The following AUH variants were observed in gnomAD, a reference collection of about 807,000 sequenced individuals.
The protein encoded by AUH is methylglutaconyl-CoA hydratase, mitochondrial.
A neutral mutation model predicts 42.3 loss-of-function variants in AUH; 29 were observed. That is an observed-to-expected ratio of 0.69 (90% CI 0.51 to 0.93). The LOEUF is 0.93. Among genes scored for constraint, AUH ranks in the 40% least tolerant of loss-of-function variants. The pLI, the probability that AUH is intolerant of heterozygous loss-of-function variation, is 0.00. For synonymous variants in AUH, 174 were observed against 166.4 expected (o/e 1.05, Z -0.35); for missense variants, 452 against 438.1 (o/e 1.03, Z -0.28).
At chr9:91,291,744 C>T (rs1046384615) in intron 6 of AUH, among the ~76,000 whole-genome samples, 2 of 152,140 alleles carry the variant, frequency 1.3e-5, no homozygotes, top group African/African-American at 4.8e-5. Context: ...AGGTTAACCA[C>T]ACAATTTTAA....
At chr9:91,348,537 C>A (rs991864626) in intron 3 of AUH, among the ~76,000 whole-genome samples, 1 of 152,046 alleles carries the variant, frequency 6.6e-6, no homozygotes, top group Non-Finnish European at 1.5e-5. Flanking sequence ...AACAGTCATA[C>A]AATAAATACT....
At chr9:91,326,782 A>C (rs527479092) in intron 3 of AUH, among the ~76,000 whole-genome samples, 2 of 152,296 alleles carry the variant, frequency 1.3e-5, no homozygotes, top group South Asian at 4.1e-4. Flanking sequence ...GCAAGTCTTT[A>C]AATGTTTTGG....
chr9:91,229,324 CTT>C (rs2131277161), intron 6 of AUH, among the ~76,000 whole-genome samples: 1 of 147,120 alleles, frequency 6.8e-6, no homozygotes, highest in South Asian at 2.3e-4. Flanking sequence ...TTCTTTGTCT[CTT>C]TTGATCTTTG....
chr9:91,340,548 T>A (rs1043587101), intron 3 of AUH, among the ~76,000 whole-genome samples: 1 of 152,098 alleles, frequency 6.6e-6, no homozygotes, highest in African/African-American at 2.4e-5. Context: ...ACCATAAACC[T>A]CAAGATCATC....
At chr9:91,224,544 T>C (rs1455059336) in intron 6 of AUH, among the ~76,000 whole-genome samples, 2 of 152,212 alleles carry the variant, frequency 1.3e-5, no homozygotes, top group African/African-American at 4.8e-5. Flanking sequence ...GTTATAAAGC[T>C]TTTTCTTTAT....
intron 4 of AUH, among the ~76,000 whole-genome samples, chr9:91,313,812 C>A (rs1828915944): frequency 6.8e-6 from 1 of 146,082 alleles, no homozygotes; most frequent in South Asian, 2.1e-4. Context: ...AGTATCTGGT[C>A]CATAAACGCT....
intron 6 of AUH, among the ~76,000 whole-genome samples, chr9:91,283,384 C>T (rs1351994905): frequency 1.3e-5 from 2 of 152,104 alleles, no homozygotes; most frequent in East Asian, 3.8e-4. Context: ...TGGAAGCATT[C>T]CCTTTGAAAA....
chr9:91,357,733 G>A (rs1186281011), intron 1 of AUH, among the ~76,000 whole-genome samples: 1 of 152,106 alleles, frequency 6.6e-6, no homozygotes, highest in Non-Finnish European at 1.5e-5. Context: ...GAGTGAAGGA[G>A]AGGGGCTGAC....
chr9:91,229,672 T>C (rs1370245818), intron 6 of AUH, among the ~76,000 whole-genome samples: 1 of 152,224 alleles, frequency 6.6e-6, no homozygotes, highest in Admixed American at 6.5e-5. Context: ...CATTTTGGCA[T>C]GATTTTGCAA....
At chr9:91,233,323 T>C (rs1325013850) in intron 6 of AUH, among the ~76,000 whole-genome samples, 1 of 152,088 alleles carries the variant, frequency 6.6e-6, no homozygotes, top group Non-Finnish European at 1.5e-5. Flanking sequence ...GCACAGGTTT[T>C]GTGGGAATTG....
intron 6 of AUH, among the ~76,000 whole-genome samples, chr9:91,233,863 A>G (rs1482798543): frequency 6.6e-6 from 1 of 152,162 alleles, no homozygotes; most frequent in Non-Finnish European, 1.5e-5. Flanking sequence ...CAGGCATACA[A>G]GCATAAGAAC....
At chr9:91,348,682 T>C (rs919826353) in intron 3 of AUH, among the ~76,000 whole-genome samples, 1 of 152,186 alleles carries the variant, frequency 6.6e-6, no homozygotes, top group African/African-American at 2.4e-5. Context: ...GTCAATTTAT[T>C]TTAAAATTAC....
At chr9:91,215,005 C>T (rs1481375724) in intron 9 of AUH, among the ~76,000 whole-genome samples, 1 of 152,178 alleles carries the variant, frequency 6.6e-6, no homozygotes, top group African/African-American at 2.4e-5. Context: ...ATTTCTAAGA[C>T]GTTTGTAATT....
chr9:91,268,788 G>A (rs781750840), intron 6 of AUH, among the ~76,000 whole-genome samples: 1 of 152,000 alleles, frequency 6.6e-6, no homozygotes, highest in Admixed American at 6.5e-5. Flanking sequence ...TATGCCAGTT[G>A]TAACTATTTC....
chr9:91,302,453 G>A (rs1349761794), intron 4 of AUH, among the ~76,000 whole-genome samples: 2 of 152,182 alleles, frequency 1.3e-5, no homozygotes, highest in African/African-American at 2.4e-5. Flanking sequence ...GCTGGGCGTG[G>A]TGGTACATGA....
chr9:91,313,358 C>T (rs921988789), intron 4 of AUH, among the ~76,000 whole-genome samples: 2 of 152,156 alleles, frequency 1.3e-5, no homozygotes, highest in African/African-American at 4.8e-5. Flanking sequence ...CATCCACTGG[C>T]CAAGTCACTT....
chr9:91,296,856 A>ATTT (rs1827375433), intron 5 of AUH, among the ~76,000 whole-genome samples: 1 of 152,246 alleles, frequency 6.6e-6, no homozygotes, highest in South Asian at 2.1e-4. Flanking sequence ...TGTTCTAAAA[A>ATTT]TTTAAAAAAT....
chr9:91,265,106 G>C (rs557115762), intron 6 of AUH, among the ~76,000 whole-genome samples: 37 of 152,104 alleles, frequency 2.4e-4, no homozygotes, highest in South Asian at 4.2e-4. Context: ...TTCATTAACT[G>C]TTCTGGCTTT....
At chr9:91,243,899 G>A (rs1274798181) in intron 6 of AUH, among the ~76,000 whole-genome samples, 1 of 152,210 alleles carries the variant, frequency 6.6e-6, no homozygotes, top group Non-Finnish European at 1.5e-5. Flanking sequence ...TAAAAGGACA[G>A]CATTAGAAGA....
Sources: gnomAD v4.1 joint callset for allele counts (sites outside exome capture counted in the v4.1 genomes callset) on GRCh38, gnomAD v4.1.1 for gene constraint, MANE v1.5 for transcripts, NCBI Gene and HGNC (gene_info 2026-07-23, HGNC 2026-07-21) for gene names.